PCDHGB5: variants seen among roughly 807,000 people sequenced by gnomAD.
PCDHGB5 encodes protocadherin gamma-B5.
In PCDHGB5, 48 loss-of-function variants were observed where a neutral mutation model predicts 62.9. The ratio of observed to expected loss-of-function variants is 0.76; its 90% confidence interval spans 0.61 to 0.97. The LOEUF (loss-of-function observed/expected upper bound fraction) is 0.97. Ranked by LOEUF, PCDHGB5 falls within the 50% of genes least tolerant of loss-of-function variation. The pLI is 0.00. For synonymous variants in PCDHGB5, 474 were observed against 511.2 expected (o/e 0.93, Z 0.98); for missense variants, 1,118 against 1,198.6 (o/e 0.93, Z 0.99).
rs541533867 is a variant in PCDHGB5 at position 141,415,164 on chromosome 5, G to T, written c.2397+14640G>T. 6.8e-6 allele frequency: 11 copies of T among 1,613,838 alleles called. No individual in the cohort carries two copies. The African/African-American group carries it at 1.3e-4, about 20-fold the overall frequency. Reference sequence around the variant, plus strand: ...AGCCCCCTCTCTCCGCCACTGTCACGCTCACCGTGGCCGTGGCCGACAGCA... The same window carrying T: ...AGCCCCCTCTCTCCGCCACTGTCACTCTCACCGTGGCCGTGGCCGACAGCA... On this transcript the variant is annotated intron_variant, in intron 1 of 3. Transcript: ENST00000617380.
chr5:141,471,925 G>A (rs1371923375), intron 1 of PCDHGB5, among the ~76,000 whole-genome samples: 1 of 152,076 alleles, frequency 6.6e-6, no homozygotes, highest in Non-Finnish European at 1.5e-5. Flanking sequence ...AAATTTTGGG[G>A]GTGATGAGAG....
At position 141,485,682 on chromosome 5, in the gene PCDHGB5, A is replaced by T. The variant is rs779441999; in HGVS notation, c.2398-9125A>T. 6.2e-7 allele frequency: 1 copy of T among 1,613,958 alleles called. No individual in the cohort carries two copies. Among genetic ancestry groups the T allele is most frequent in the Non-Finnish European group, 8.5e-7 (1 of 1,179,972 alleles). On this transcript the variant is annotated intron_variant, in intron 1 of 3. Transcript: ENST00000617380. This position sits in a 1 kb window ranked among gnomAD's most constrained non-coding sequence, Gnocchi z 5.7. ...GTGGGGAGCAATTCGATTAGCAGCT[A>T]TAGGCTGAGCTCCAATGAACACTTT...
chr5:141,413,668 G>T lies in PCDHGB5; in HGVS notation c.2397+13144G>T, dbSNP rs1286766786. ...TCCTCTCCCGGAAGCTATTGATCCG[G>T]ATGTGGGCGTGAACTCCCTGCAGAG... is the stretch of plus-strand genomic sequence containing the variant. On this transcript the variant is annotated intron_variant, in intron 1 of 3. Transcript: ENST00000617380. 6 of 1,613,754 alleles carry T rather than the reference G, an allele frequency of 3.7e-6. No homozygotes were observed. The Admixed American group carries it at 8.3e-5, about 22-fold the overall frequency.
At chr5:141,435,215 C>G (rs4912753) in intron 1 of PCDHGB5, among the ~76,000 whole-genome samples, 81,908 of 151,924 alleles carry the variant, frequency 0.54, 24,122 homozygotes, top group African/African-American at 0.79. Flanking sequence ...AGTGAATTTA[C>G]TTTCTTTCAA....
At chr5:141,404,169 C>G in intron 1 of PCDHGB5, 4 of 1,612,736 alleles carry the variant, frequency 2.5e-6, no homozygotes, top group Non-Finnish European at 3.4e-6. Flanking sequence ...AGATTGTTGA[C>G]GGCCCAAATT....
At chr5:141,422,424 T>G (rs1182660567) in intron 1 of PCDHGB5, 3 of 1,607,958 alleles carry the variant, frequency 1.9e-6, no homozygotes, top group Non-Finnish European at 2.5e-6. Flanking sequence ...AAAAGACTTA[T>G]GGAAATTATT....
chr5:141,426,173 G>A (rs2096919271), intron 1 of PCDHGB5: 1 of 155,348 alleles, frequency 6.4e-6, no homozygotes, highest in African/African-American at 2.4e-5. Flanking sequence ...TACGGATTGG[G>A]GTGCCCTCAA....
intron 1 of PCDHGB5, chr5:141,413,132 A>C (rs1313665743): frequency 1.3e-6 from 2 of 1,542,144 alleles, no homozygotes; most frequent in Admixed American, 4.0e-5. Context: ...GAAACACACA[A>C]CGTGTCCAGT....
At chr5:141,454,774 G>A (rs1228452126) in intron 1 of PCDHGB5, among the ~76,000 whole-genome samples, 2 of 144,796 alleles carry the variant, frequency 1.4e-5, no homozygotes, top group African/African-American at 2.6e-5. Context: ...TTTTTACAAG[G>A]AAATAATCCT....
chr5:141,419,075 A>C (rs2096322774), intron 1 of PCDHGB5: 3 of 1,613,968 alleles, frequency 1.9e-6, no homozygotes, highest in South Asian at 1.1e-5. Flanking sequence ...CAAGCTAGTA[A>C]CAGATGAGGC....
intron 1 of PCDHGB5, chr5:141,409,257 T>C: frequency 6.2e-7 from 1 of 1,614,022 alleles, no homozygotes; most frequent in Non-Finnish European, 8.5e-7. Flanking sequence ...ATCACTTCTC[T>C]CTCTGATCAG....
Position 141,477,968 on chromosome 5 carries a change from C to T in PCDHGB5, c.2398-16839C>T. 6.2e-7 allele frequency: 1 copy of T among 1,614,140 alleles called. No individual in the cohort carries two copies. Among genetic ancestry groups the T allele is most frequent in the Non-Finnish European group, 8.5e-7 (1 of 1,180,042 alleles). The stretch of plus-strand genomic sequence containing the variant: ...TCTCTTGGGATCCCCTAACCAGAGC[C>T]TTTTTGCCATAGGGCTGCACACTGG... On this transcript the variant is annotated intron_variant, in intron 1 of 3. Transcript: ENST00000617380. The surrounding 1 kb of genome is among the most constrained non-coding windows in gnomAD (Gnocchi z 4.9).
chr5:141,415,461 T>C, intron 1 of PCDHGB5: 5 of 1,614,180 alleles, frequency 3.1e-6, no homozygotes, highest in Non-Finnish European at 4.2e-6. Context: ...ACGAGGTCTC[T>C]CTCACCGCGG....
In PCDHGB5 at chr5:141,489,223, C is replaced by T. The variant is rs771455540; in HGVS notation, c.2398-5584C>T. The T allele has an allele frequency of 6.6e-7, 1 of 1,515,444 alleles. No homozygotes were observed. The highest frequency in any genetic ancestry group is 1.3e-5 in the South Asian group (1 of 75,776). 93.9% of individuals were successfully genotyped at this position (1,515,444 alleles called of 1,614,324 possible). A position where few individuals can be genotyped will look rare whatever the true frequency, so the allele number is the denominator to read the frequency against. The stretch of plus-strand genomic sequence containing the variant: ...CAGGACAGCACAGACTTACTCTCCA[C>T]AAAGGGACTTCTGGGTCATGGGGCC... On this transcript the variant is annotated intron_variant, in intron 1 of 3. Coordinates refer to ENST00000617380, the MANE Select transcript of PCDHGB5 (RefSeq NM_018925.3). The surrounding 1 kb of genome is among the most constrained non-coding windows in gnomAD (Gnocchi z 4.5).
chr5:141,494,173 G>C (rs554811420), intron 1 of PCDHGB5, among the ~76,000 whole-genome samples: 2 of 152,304 alleles, frequency 1.3e-5, no homozygotes, highest in South Asian at 2.1e-4. Flanking sequence ...CTAGGGGTGA[G>C]AAGTGTCCCG....
At chr5:141,422,287 A>G in intron 1 of PCDHGB5, 3 of 1,553,500 alleles carry the variant, frequency 1.9e-6, no homozygotes, top group South Asian at 1.3e-5. Context: ...CACCTCTTCT[A>G]TTAATTCAAT....
intron 1 of PCDHGB5, chr5:141,410,687 T>C: frequency 6.6e-7 from 1 of 1,518,632 alleles, no homozygotes; most frequent in Non-Finnish European, 8.8e-7. Flanking sequence ...TTAGGCATAC[T>C]ACTTTATTTT....
At chr5:141,420,733 A>T (rs989644819) in intron 1 of PCDHGB5, among the ~76,000 whole-genome samples, 1 of 152,250 alleles carries the variant, frequency 6.6e-6, no homozygotes, top group African/African-American at 2.4e-5. Flanking sequence ...GTCGGTTAAA[A>T]TCAATTGGAA....
chr5:141,478,631 A>G (rs781339775), intron 1 of PCDHGB5: 1 of 1,553,196 alleles, frequency 6.4e-7, no homozygotes, highest in Non-Finnish European at 8.7e-7. Context: ...CTGTTTTTTT[A>G]GTGATGAAGA....
Sources: allele counts gnomAD v4.1 joint callset (sites outside exome capture counted in the v4.1 genomes callset), GRCh38; gene constraint gnomAD v4.1.1; non-coding constraint Gnocchi (gnomAD v3.1); transcripts MANE v1.5; gene names NCBI Gene and HGNC (gene_info 2026-07-23, HGNC 2026-07-21).